The following PRKCH variants were observed in gnomAD, a reference collection of about 807,000 sequenced individuals.
PRKCH encodes the protein protein kinase C eta.
PRKCH carries 28 observed loss-of-function variants against 82.5 expected under a neutral mutation model. The observed-to-expected ratio is 0.34, with a 90% CI of 0.25 to 0.47. The LOEUF (loss-of-function observed/expected upper bound fraction) is 0.47, where lower values mean the gene tolerates loss of function less well. PRKCH is among the 20% of genes least tolerant of loss of function. The pLI is 1.00. For missense variants in PRKCH, 705 were observed against 881.8 expected, an observed-to-expected ratio of 0.80 and a Z score of 2.54; for synonymous variants, 322 against 327.4, an observed-to-expected ratio of 0.98 and a Z score of 0.18.
chr14:61,207,437 A>G (rs140123111), intron 1 of PRKCH, among the ~76,000 whole-genome samples: 1 of 152,216 alleles, frequency 6.6e-6, no homozygotes, highest in Non-Finnish European at 1.5e-5. Context: ...GCTCCTGGAC[A>G]TTAAGTCCCC....
intron 1 of PRKCH, among the ~76,000 whole-genome samples, chr14:61,334,132 C>T (rs1016639292): frequency 1.3e-5 from 2 of 152,102 alleles, no homozygotes; most frequent in African/African-American, 2.4e-5. Context: ...GATTCTTTCC[C>T]GACTCCACCT....
chr14:61,233,476 T>G (rs919844425), intron 1 of PRKCH, among the ~76,000 whole-genome samples: 1 of 152,168 alleles, frequency 6.6e-6, no homozygotes, highest in African/African-American at 2.4e-5. Context: ...TCTGATAGAA[T>G]TGAGCTAAGA....
At chr14:61,289,517 G>A (rs748855300) in intron 1 of PRKCH, among the ~76,000 whole-genome samples, 3 of 152,294 alleles carry the variant, frequency 2.0e-5, no homozygotes, top group Non-Finnish European at 4.4e-5. Flanking sequence ...GACCAGCCTG[G>A]GCAACATGGC....
chr14:61,292,407 A>G (rs1171857677), intron 1 of PRKCH, among the ~76,000 whole-genome samples: 9 of 152,088 alleles, frequency 5.9e-5, no homozygotes, highest in Non-Finnish European at 1.3e-4. Context: ...GCTTGAGCCC[A>G]GGAAGTCATG....
intron 1 of PRKCH, among the ~76,000 whole-genome samples, chr14:61,229,237 T>C (rs1318841640): frequency 6.6e-6 from 1 of 152,146 alleles, no homozygotes; most frequent in Non-Finnish European, 1.5e-5. Context: ...GAGAAGTTTT[T>C]CATAGTATTG....
chr14:61,360,364 G>A (rs1417203726), intron 1 of PRKCH, among the ~76,000 whole-genome samples: 3 of 152,092 alleles, frequency 2.0e-5, no homozygotes, highest in Admixed American at 6.6e-5. Flanking sequence ...AATTAGACGG[G>A]CATGGTGGTG....
At chr14:61,391,144 C>A in intron 1 of PRKCH, 81 bp from the exon 2 acceptor site, 2 of 1,114,272 alleles carry the variant, frequency 1.8e-6, no homozygotes, top group Non-Finnish European at 2.6e-6. Flanking sequence ...ACACATTAGG[C>A]CTCTCTGTGA....
chr14:61,410,323 G>A lies in PRKCH; in HGVS notation c.427+19035G>A, dbSNP rs1050559008. Among the ~76,000 whole-genome samples the A allele has an allele frequency of 1.1e-4, 16 of 152,114 alleles. No individual in the cohort carries two copies. The East Asian group carries it at 2.7e-3, about 26-fold the overall frequency. On this transcript the variant is annotated intron_variant, in intron 2 of 13. Coordinates refer to ENST00000332981, the MANE Select transcript of PRKCH (RefSeq NM_006255.5). ...ATTTTGAAGGTAAAATTACAATTTT[G>A]TTCCATGTGAAATGGGAGCATGTGT...
At chr14:61,443,787 T>C (rs1884087359) in intron 3 of PRKCH, among the ~76,000 whole-genome samples, 3 of 152,204 alleles carry the variant, frequency 2.0e-5, no homozygotes, top group Non-Finnish European at 2.9e-5. Context: ...TAATTCAACA[T>C]TGAGAAATTC....
intron 1 of PRKCH, among the ~76,000 whole-genome samples, chr14:61,334,451 A>G (rs1252602907): frequency 1.3e-5 from 2 of 152,172 alleles, no homozygotes; most frequent in African/African-American, 4.8e-5. Context: ...AAGGACAGGT[A>G]AAGCACTGTG....
At chr14:61,253,126 GT>G (rs1043877124) in intron 1 of PRKCH, among the ~76,000 whole-genome samples, 8 of 152,072 alleles carry the variant, frequency 5.3e-5, no homozygotes, top group Admixed American at 4.6e-4. Flanking sequence ...CATAATATAT[GT>G]TTTTTTAGGT....
In PRKCH at chr14:61,351,087, C is replaced by T. The variant is rs1033217170; in HGVS notation, c.363+28623C>T. On this transcript the variant is annotated intron_variant, in intron 1 of 13. Transcript: ENST00000332981. ...TTAATCTATCAATCATTTCATATAA[C>T]GTTAAGTAGAACTGATTTAGGAAAT... 2.0e-5 allele frequency among the ~76,000 whole-genome samples: 3 copies of T among 152,228 alleles called. No homozygotes were observed. In the South Asian group the frequency reaches 6.2e-4, roughly 32 times the overall value.
intron 1 of PRKCH, among the ~76,000 whole-genome samples, chr14:61,282,858 T>C (rs921203254): frequency 6.6e-6 from 1 of 152,032 alleles, no homozygotes; most frequent in Admixed American, 6.5e-5. Flanking sequence ...AGAGAGGAAG[T>C]TCCAAAATTC....
chr14:61,401,003 C>T (rs1881587245), intron 2 of PRKCH, among the ~76,000 whole-genome samples: 1 of 152,160 alleles, frequency 6.6e-6, no homozygotes. Context: ...TTTATTCCAT[C>T]TTAGAGGAAA....
At chr14:61,544,604 G>C (rs2043230305) in intron 12 of PRKCH, 1 of 152,142 alleles carries the variant, frequency 6.6e-6, no homozygotes, top group African/African-American at 2.4e-5. Flanking sequence ...ATCTGCATGT[G>C]GGTGCCCACA....
chr14:61,534,721 C>G (rs1300522702), intron 12 of PRKCH, among the ~76,000 whole-genome samples: 6 of 151,984 alleles, frequency 3.9e-5, no homozygotes, highest in Admixed American at 3.9e-4. Flanking sequence ...GGAAACGGGC[C>G]CAGAGAGATG....
rs552067560 is a variant in PRKCH, at chr14:61,409,545, G to GA, written c.427+18266dup. On this transcript the variant is annotated intron_variant, in intron 2 of 13. Coordinates refer to ENST00000332981, the MANE Select transcript of PRKCH (RefSeq NM_006255.5). Reference sequence around the variant, plus strand: ...ATGCCAGGCATCTCCACCAAAAAAAGAAAAAAAAATCCAGGCATGGTGGTG... The same window carrying GA: ...ATGCCAGGCATCTCCACCAAAAAAAGAAAAAAAAAATCCAGGCATGGTGGTG... Among the ~76,000 whole-genome samples the GA allele has an allele frequency of 2.4e-3, 359 of 149,376 alleles. 2 individuals carry two copies. The highest frequency in any genetic ancestry group is 4.3e-3 in the Admixed American group (64 of 15,040).
At chr14:61,415,945 T>C (rs1882524080) in intron 2 of PRKCH, among the ~76,000 whole-genome samples, 1 of 152,234 alleles carries the variant, frequency 6.6e-6, no homozygotes, top group Admixed American at 6.5e-5. Context: ...GTCTTTATCC[T>C]TTTGTGATTG....
At chr14:61,350,987 T>C (rs1208284676) in intron 1 of PRKCH, among the ~76,000 whole-genome samples, 1 of 152,230 alleles carries the variant, frequency 6.6e-6, no homozygotes, top group African/African-American at 2.4e-5. Flanking sequence ...TTCCTCTTTA[T>C]GGCATCCTTT....
Sources: allele counts gnomAD v4.1 joint callset (sites outside exome capture counted in the v4.1 genomes callset), GRCh38; gene constraint gnomAD v4.1.1; transcripts MANE v1.5; gene names NCBI Gene and HGNC (gene_info 2026-07-23, HGNC 2026-07-21).